Variants in GRIP1 observed in about 807,000 individuals in gnomAD.
GRIP1 encodes glutamate receptor-interacting protein 1.
GRIP1 carries 45 observed loss-of-function variants against 129.9 expected under a neutral mutation model. That is an observed-to-expected ratio of 0.35 (90% CI 0.27 to 0.44). The LOEUF (loss-of-function observed/expected upper bound fraction) is 0.44, where lower values mean the gene tolerates loss of function less well. GRIP1 is among the 20% of genes least tolerant of loss of function. The probability of loss-of-function intolerance (pLI) is 1.00; values close to 1 mark genes in which losing one functional copy is unlikely to be tolerated. For missense variants in GRIP1, 1,196 were observed against 1,396.8 expected, an observed-to-expected ratio of 0.86 and a Z score of 2.29; for synonymous variants, 530 against 520.8, an observed-to-expected ratio of 1.02 and a Z score of -0.24.
intron 1 of GRIP1, among the ~76,000 whole-genome samples, chr12:67,058,726 ATTTC>A (rs1489847244): frequency 6.6e-6 from 1 of 152,192 alleles, no homozygotes; most frequent in Non-Finnish European, 1.5e-5. Flanking sequence ...AACCATTTCT[ATTTC>A]TTTCTTTGCT....
chr12:67,042,024 C>T (rs1226058551), intron 1 of GRIP1, among the ~76,000 whole-genome samples: 1 of 152,072 alleles, frequency 6.6e-6, no homozygotes, highest in East Asian at 1.9e-4. Context: ...AGGGCCTCAC[C>T]CTCATGAGTG....
chr12:67,048,578 A>C (rs1303156719), intron 1 of GRIP1, among the ~76,000 whole-genome samples: 1 of 151,978 alleles, frequency 6.6e-6, no homozygotes, highest in East Asian at 1.9e-4. Context: ...CTTCCACCTC[A>C]GCTCCCAAAT....
rs181861284 is a variant in GRIP1 at position 66,950,055 on chromosome 12, C to T, written c.58+118995G>A. 3.1e-3 allele frequency among the ~76,000 whole-genome samples: 475 copies of T among 151,534 alleles called. 12 individuals are homozygous for T. The highest frequency in any genetic ancestry group is 8.3e-4 in the Non-Finnish European group (56 of 67,878). The stretch of plus-strand genomic sequence containing the variant: ...CCTCCCATAGTGCTGGGATTATAGG[C>T]GTGAGCCACCACGCCCGGCCACTAC... On this transcript the variant is annotated intron_variant, in intron 1 of 1. Coordinates refer to the GRIP1 transcript ENST00000643019.
At chr12:66,827,709 A>G (rs1189487730) in intron 1 of GRIP1, among the ~76,000 whole-genome samples, 1 of 152,152 alleles carries the variant, frequency 6.6e-6, no homozygotes, top group African/African-American at 2.4e-5. Flanking sequence ...TGTTGATTTG[A>G]AAAACATGAA....
At chr12:66,534,521 C>A (rs543981490) in intron 4 of GRIP1, among the ~76,000 whole-genome samples, 3 of 152,206 alleles carry the variant, frequency 2.0e-5, no homozygotes, top group Admixed American at 2.0e-4. Context: ...CAAGCTCCAA[C>A]AATATGGCTT....
chr12:66,666,382 C>T (rs2033797434), intron 1 of GRIP1, among the ~76,000 whole-genome samples: 1 of 152,128 alleles, frequency 6.6e-6, no homozygotes, highest in Non-Finnish European at 1.5e-5. Flanking sequence ...TACATTGCTT[C>T]ATATTTGGAT....
intron 1 of GRIP1, among the ~76,000 whole-genome samples, chr12:66,926,944 A>G (rs1457673157): frequency 6.6e-6 from 1 of 152,236 alleles, no homozygotes; most frequent in Non-Finnish European, 1.5e-5. Context: ...CCCAAATCTA[A>G]TTAGAATGCT....
chr12:66,348,931 T>TATC lies in GRIP1; in HGVS notation c.*85_*87dup, dbSNP rs553542220. The TATC allele has an allele frequency of 4.3e-4, 404 of 930,112 alleles. No homozygotes were observed. The highest frequency in any genetic ancestry group is 6.6e-4 in the Non-Finnish European group (364 of 555,468). The allele number at this position is 930,112 out of a possible 1,614,324, so 57.6% of individuals were successfully genotyped here. A position where few individuals can be genotyped will look rare whatever the true frequency, so the allele number is the denominator to read the frequency against. On this transcript the variant is annotated 3_prime_UTR_variant, in exon 25 of 25. Transcript: ENST00000359742. ...TGCAGTTAATGCCACGTTGATTGAT[T>TATC]ATCTGTGCTTCAAAGGTCACAGAAA...
chr12:66,440,322 A>T (rs1253595023), intron 13 of GRIP1, among the ~76,000 whole-genome samples: 1 of 152,154 alleles, frequency 6.6e-6, no homozygotes, highest in African/African-American at 2.4e-5. Context: ...CAATCCAATT[A>T]TACTCTTCTG....
At chr12:66,363,670 T>G (rs1025680151) in intron 23 of GRIP1, among the ~76,000 whole-genome samples, 6 of 152,126 alleles carry the variant, frequency 3.9e-5, no homozygotes, top group African/African-American at 1.2e-4. Flanking sequence ...TTCAGGAAAT[T>G]CTGTCATTTG....
intron 2 of GRIP1, among the ~76,000 whole-genome samples, chr12:66,596,434 A>C (rs1417793606): frequency 6.6e-6 from 1 of 152,212 alleles, no homozygotes; most frequent in Non-Finnish European, 1.5e-5. Flanking sequence ...CAAAGAGATG[A>C]GAAGAAAAGA....
At chr12:66,921,295 C>G (rs1463883003) in intron 1 of GRIP1, among the ~76,000 whole-genome samples, 2 of 152,180 alleles carry the variant, frequency 1.3e-5, no homozygotes, top group African/African-American at 2.4e-5. Context: ...CCTAAAGCCC[C>G]AGGCAAGATT....
intron 1 of GRIP1, among the ~76,000 whole-genome samples, chr12:66,752,980 G>A (rs539217114): frequency 6.6e-6 from 1 of 152,060 alleles, no homozygotes; most frequent in East Asian, 1.9e-4. Flanking sequence ...AAACGCTAGC[G>A]GAAACTTCTC....
chr12:66,854,589 A>G (rs1339089457), intron 1 of GRIP1, among the ~76,000 whole-genome samples: 1 of 152,064 alleles, frequency 6.6e-6, no homozygotes, highest in Non-Finnish European at 1.5e-5. Context: ...TATCTCCAAT[A>G]CATGGCTGAG....
chr12:66,938,762 T>C (rs112672027), intron 1 of GRIP1, among the ~76,000 whole-genome samples: 6 of 151,886 alleles, frequency 4.0e-5, no homozygotes, highest in Non-Finnish European at 7.4e-5. Context: ...ATCAAGACCA[T>C]CCTGGCCAAC....
intron 1 of GRIP1, among the ~76,000 whole-genome samples, chr12:66,919,660 T>G (rs1422925722): frequency 1.3e-5 from 2 of 152,128 alleles, no homozygotes; most frequent in Non-Finnish European, 2.9e-5. Flanking sequence ...GGTTTGGGGC[T>G]TGACTTTTTT....
intron 1 of GRIP1, among the ~76,000 whole-genome samples, chr12:66,724,396 C>T (rs1033805782): frequency 1.3e-4 from 20 of 152,202 alleles, no homozygotes; most frequent in Admixed American, 1.1e-3. Flanking sequence ...GAGCATCATG[C>T]TGCATGTTTT....
chr12:66,582,350 C>G (rs1449599406), intron 2 of GRIP1, among the ~76,000 whole-genome samples: 1 of 142,410 alleles, frequency 7.0e-6, no homozygotes, highest in African/African-American at 2.6e-5. Context: ...TGGCACAAGA[C>G]AGGGATGCCC....
intron 1 of GRIP1, among the ~76,000 whole-genome samples, chr12:66,962,676 G>T (rs1285804106): frequency 1.3e-5 from 2 of 151,906 alleles, no homozygotes; most frequent in African/African-American, 4.8e-5. Flanking sequence ...AATATTCGAG[G>T]TCCTAAATAA....
Sources: allele counts gnomAD v4.1 joint callset (sites outside exome capture counted in the v4.1 genomes callset), GRCh38; gene constraint gnomAD v4.1.1; transcripts MANE v1.5; gene names NCBI Gene and HGNC (gene_info 2026-07-23, HGNC 2026-07-21).